Variants in RSF1 observed in about 807,000 individuals in gnomAD.
RSF1 encodes the protein remodeling and spacing factor 1.
A neutral mutation model predicts 145.2 loss-of-function variants in RSF1; 13 were observed. The observed-to-expected ratio is 0.09, with a 90% CI of 0.06 to 0.14. The LOEUF (loss-of-function observed/expected upper bound fraction) is 0.14, where lower values mean the gene tolerates loss of function less well. RSF1 is among the 10% of genes least tolerant of loss of function. The pLI is 1.00. For synonymous variants in RSF1, 577 were observed against 592.6 expected, an observed-to-expected ratio of 0.97 and a Z score of 0.38; for missense variants, 1,517 against 1,718.2, an observed-to-expected ratio of 0.88 and a Z score of 2.07.
chr11:77,672,988 G>A (rs1959597506), intron 14 of RSF1, among the ~76,000 whole-genome samples: 2 of 152,104 alleles, frequency 1.3e-5, no homozygotes, highest in South Asian at 4.1e-4. Flanking sequence ...CAGCCTAAAT[G>A]TTTTATACTT....
intron 3 of RSF1, among the ~76,000 whole-genome samples, chr11:77,744,227 C>T (rs1947973653): frequency 6.6e-6 from 1 of 152,160 alleles, no homozygotes; most frequent in South Asian, 2.1e-4. Flanking sequence ...TGTGGTTTCA[C>T]CATGTTGGCC....
chr11:77,675,004 T>G lies in RSF1; in HGVS notation c.3562+32A>C, dbSNP rs560210766. On this transcript the variant is annotated intron_variant, in intron 14 of 15. Coordinates refer to ENST00000308488, the MANE Select transcript of RSF1 (RefSeq NM_016578.4). ...ACAAGAAAAACAAAAAATAATTTAT[T>G]GAGCTACCATATGGTTACAGATTAT... The G allele has an allele frequency of 1.6e-5, 24 of 1,504,260 alleles. No homozygotes were observed. The East Asian group carries it at 5.3e-4, about 33-fold the overall frequency. The allele number at this position is 1,504,260 out of a possible 1,614,324, so 93.2% of individuals were successfully genotyped here.
rs745941738 is a variant in RSF1 at position 77,692,523 on chromosome 11, C to T, written c.2820+984G>A. On this transcript the variant is annotated intron_variant, in intron 8 of 15. Coordinates refer to ENST00000308488, the MANE Select transcript of RSF1 (RefSeq NM_016578.4). ...CCTCCCAAAGTGCTGGGATTACAGG[C>T]GTGAGCCACCGCGCCCGGCCACTAC... 1.4e-4 allele frequency among the ~76,000 whole-genome samples: 21 copies of T among 147,790 alleles called. 2 individuals carry two copies. Among genetic ancestry groups the T allele is most frequent in the Non-Finnish European group, 2.5e-4 (17 of 67,084 alleles).
intron 1 of RSF1, among the ~76,000 whole-genome samples, chr11:77,782,912 T>G (rs1325085468): frequency 6.6e-6 from 1 of 152,232 alleles, no homozygotes; most frequent in Admixed American, 6.5e-5. Flanking sequence ...ATTTGTTTAA[T>G]GCAATAACTG....
rs1200527978 is a variant in RSF1 at position 77,662,428 on chromosome 11, C to G, written c.*4489G>C. On this transcript the variant is annotated 3_prime_UTR_variant, in exon 16 of 16. Transcript: ENST00000308488. ...ATACAAAAAGTGGTGAGTGTATACT[C>G]TAAAGTGGTTATATACTAAGCTCAT... The G allele has an allele frequency of 6.6e-6, 1 of 152,064 alleles. No individual in the cohort carries two copies. Among genetic ancestry groups the G allele is most frequent in the Non-Finnish European group, 1.5e-5 (1 of 67,970 alleles). The allele number at this position is 152,064 out of a possible 1,614,324, so 9.4% of individuals were successfully genotyped here.
At chr11:77,711,352 T>C (rs931806360) in intron 5 of RSF1, among the ~76,000 whole-genome samples, 7 of 152,082 alleles carry the variant, frequency 4.6e-5, no homozygotes, top group African/African-American at 1.7e-4. Flanking sequence ...CCATTACCAA[T>C]GTCATTAAAG....
In RSF1 at chr11:77,661,605, A is replaced by G. The variant is rs1173372048; in HGVS notation, c.*5312T>C. 6.6e-6 allele frequency: 1 copy of G among 152,030 alleles called. No homozygotes were observed. Among genetic ancestry groups the G allele is most frequent in the Non-Finnish European group, 1.5e-5 (1 of 67,972 alleles). The allele number at this position is 152,030 out of a possible 1,614,324, so 9.4% of individuals were successfully genotyped here. A position where few individuals can be genotyped will look rare whatever the true frequency, so the allele number is the denominator to read the frequency against. On this transcript the variant is annotated 3_prime_UTR_variant, in exon 16 of 16. Coordinates refer to ENST00000308488, the MANE Select transcript of RSF1 (RefSeq NM_016578.4). ...AAGACATGGCACAAATTTTTAAACA[A>G]TTTTAGGTTTAATTACATAATGCAC...
At chr11:77,699,302 T>G (rs1960356155) in intron 6 of RSF1, among the ~76,000 whole-genome samples, 1 of 152,160 alleles carries the variant, frequency 6.6e-6, no homozygotes, top group African/African-American at 2.4e-5. Flanking sequence ...GAGAGCAAAT[T>G]TATAATGTGA....
intron 1 of RSF1, among the ~76,000 whole-genome samples, chr11:77,785,918 T>G: frequency 1.0e-5 from 1 of 97,870 alleles, no homozygotes; most frequent in Admixed American, 1.5e-4. Flanking sequence ...AGAGTGAGAT[T>G]CTGTCTCAAA....
chr11:77,666,101 T>C lies in RSF1; in HGVS notation c.*816A>G, dbSNP rs558651271. ...TTAAGAAAGACCACATTCATTTCAC[T>C]AATAACTCTCCATCAGACACAATAT... On this transcript the variant is annotated 3_prime_UTR_variant, in exon 16 of 16. Coordinates refer to ENST00000308488, the MANE Select transcript of RSF1 (RefSeq NM_016578.4). The C allele has an allele frequency of 3.3e-5, 5 of 152,218 alleles. No homozygotes were observed. Among genetic ancestry groups the C allele is most frequent in the African/African-American group, 4.8e-5 (2 of 41,458 alleles). The allele number at this position is 152,218 out of a possible 1,614,324, so 9.4% of individuals were successfully genotyped here.
At chr11:77,704,724 AT>A (rs1394573288) in intron 5 of RSF1, among the ~76,000 whole-genome samples, 1 of 148,072 alleles carries the variant, frequency 6.8e-6, no homozygotes, top group Non-Finnish European at 1.5e-5. Context: ...AAAATGTTAA[AT>A]TCTTTGGTTT....
the RSF1 span, among the ~76,000 whole-genome samples, chr11:77,825,958 C>A: frequency 6.6e-6 from 1 of 152,260 alleles, no homozygotes; most frequent in South Asian, 2.1e-4. Context: ...TCCCAAAGTG[C>A]TGGGATTACA....
intron 15 of RSF1, 111 bp downstream of exon 15, chr11:77,671,931 G>T: frequency 2.0e-6 from 2 of 1,011,270 alleles, no homozygotes; most frequent in Non-Finnish European, 2.8e-6. Context: ...ACCATGCCTG[G>T]CCTGGTTATA....
chr11:77,682,806 A>G (rs1376791746), intron 11 of RSF1, among the ~76,000 whole-genome samples: 1 of 152,248 alleles, frequency 6.6e-6, no homozygotes, highest in Non-Finnish European at 1.5e-5. Flanking sequence ...ATGAAGGCAT[A>G]TAATGGGGGG....
intron 1 of RSF1, among the ~76,000 whole-genome samples, chr11:77,772,000 T>C (rs1321573824): frequency 6.6e-6 from 1 of 152,202 alleles, no homozygotes; most frequent in Admixed American, 6.5e-5. Flanking sequence ...CCAATCTTAA[T>C]CCAAAGAAGT....
chr11:77,701,772 C>A lies in RSF1; in HGVS notation c.1457G>T (p.Gly486Val). 6.2e-7 allele frequency: 1 copy of A among 1,613,910 alleles called. No individual in the cohort carries two copies. Among genetic ancestry groups the A allele is most frequent in the Non-Finnish European group, 8.5e-7 (1 of 1,179,968 alleles). The change falls in exon 6 of 16, where the codon GGA becomes GTA. Residue 486 changes from glycine (G) to valine (V), a missense_variant. By Grantham distance (109) the Gly-to-Val change is moderately radical (BLOSUM62 -3). Coordinates refer to ENST00000308488, the MANE Select transcript of RSF1 (RefSeq NM_016578.4). The part of the protein sequence containing the change: ...KDRNIITEGN[G>V]TESLNSVITS... ...TATGACAGAATTTAAGGACTCTGTT[C>A]CATTTCCCTCCGTGATGATATTTCT...
chr11:77,859,015 A>G, the RSF1 span, among the ~76,000 whole-genome samples: 1 of 152,200 alleles, frequency 6.6e-6, no homozygotes, highest in African/African-American at 2.4e-5. Flanking sequence ...TGGTCCAGTA[A>G]TGATTTGGCC....
intron 1 of RSF1, among the ~76,000 whole-genome samples, chr11:77,788,992 C>T (rs1948489051): frequency 6.6e-6 from 1 of 151,980 alleles, no homozygotes; most frequent in African/African-American, 2.4e-5. Context: ...GGTCAAAAAG[C>T]AAGACCTTAT....
chr11:77,723,227 G>A (rs1960979269), intron 5 of RSF1, among the ~76,000 whole-genome samples: 1 of 152,208 alleles, frequency 6.6e-6, no homozygotes, highest in Non-Finnish European at 1.5e-5. Flanking sequence ...GGGAAGCCAA[G>A]GCAGGAGGGT....
Sources: allele counts gnomAD v4.1 joint callset (sites outside exome capture counted in the v4.1 genomes callset), GRCh38; gene constraint gnomAD v4.1.1; transcripts MANE v1.5; gene names NCBI Gene and HGNC (gene_info 2026-07-23, HGNC 2026-07-21).